DOCK1: variants seen among roughly 807,000 people sequenced by gnomAD.
DOCK1 encodes dedicator of cytokinesis 1.
Under a neutral mutation model 262.7 loss-of-function variants are expected in DOCK1, and 138 were observed. That is an observed-to-expected ratio of 0.53 (90% CI 0.46 to 0.61). The LOEUF (loss-of-function observed/expected upper bound fraction) is 0.61. Among genes scored for constraint, DOCK1 ranks in the 20% least tolerant of loss-of-function variants. The pLI is 0.00. For synonymous variants in DOCK1, 866 were observed against 867.4 expected (o/e 1.00, Z 0.03); for missense variants, 1,908 against 2,370.7 (o/e 0.80, Z 4.05).
intron 21 of DOCK1, among the ~76,000 whole-genome samples, chr10:127,044,937 C>T (rs1163157678): frequency 6.6e-6 from 1 of 152,120 alleles, no homozygotes; most frequent in Non-Finnish European, 1.5e-5. Flanking sequence ...TGGCTCACAC[C>T]TGTAATCCCA....
chr10:127,005,308 G>C (rs915163643), intron 10 of DOCK1, among the ~76,000 whole-genome samples: 3 of 151,850 alleles, frequency 2.0e-5, no homozygotes, highest in African/African-American at 7.3e-5. Context: ...CTTCAGCCTA[G>C]GCAACAGAGT....
rs549456199 is a variant in DOCK1 at position 127,265,483 on chromosome 10, T to C, written c.3044+8054T>C. ...GGAGGATTTTGATCTCTTGACCTCA[T>C]TTTGACAACCACCTTGGCTCATTTC... On this transcript the variant is annotated intron_variant, in intron 29 of 51. Transcript: ENST00000623213. Among the ~76,000 whole-genome samples the C allele has an allele frequency of 3.3e-5, 5 of 152,272 alleles. No homozygotes were observed. The South Asian group carries it at 1.0e-3, about 32-fold the overall frequency.
At position 127,012,235 on chromosome 10, in the gene DOCK1, C is replaced by T. The variant is rs370557016; in HGVS notation, c.1062C>T (p.Leu354=). ...TTGGTCGTCCCGTGCCCTCCAGGCT[C>T]GCGTTGGACGACGCCATTCGACACA... is the stretch of plus-strand genomic sequence containing the variant. ...DKQHFIPFQP[L]ALDDAIRHKP... is the part of the protein sequence containing the mutation. The change falls in exon 12 of 52, where the codon CTC becomes CTT. Residue 354 remains leucine (L), a synonymous_variant. Coordinates refer to ENST00000623213, the MANE Select transcript of DOCK1 (RefSeq NM_001290223.2). The surrounding 1 kb of genome is among the most constrained non-coding windows in gnomAD (Gnocchi z 4.0). The T allele has an allele frequency of 6.0e-5, 94 of 1,568,118 alleles. 2 individuals carry two copies. Among genetic ancestry groups the T allele is most frequent in the South Asian group, 5.6e-4 (50 of 90,052 alleles).
At chr10:127,224,853 G>A (rs1453864913) in intron 27 of DOCK1, among the ~76,000 whole-genome samples, 2 of 152,012 alleles carry the variant, frequency 1.3e-5, no homozygotes, top group Admixed American at 6.5e-5. Flanking sequence ...AGGCAAAAAG[G>A]AGTGCATGCA....
intron 1 of DOCK1, among the ~76,000 whole-genome samples, chr10:126,946,995 C>T (rs1330716585): frequency 1.3e-5 from 2 of 152,202 alleles, no homozygotes; most frequent in Admixed American, 6.5e-5. Context: ...TGATCCTGTC[C>T]CCCCATCCCT....
intron 22 of DOCK1, among the ~76,000 whole-genome samples, chr10:127,059,789 T>C (rs1453978388): frequency 6.6e-6 from 1 of 152,174 alleles, no homozygotes; most frequent in African/African-American, 2.4e-5. Flanking sequence ...GTGGGGCTGT[T>C]TCTGCTCTCT....
intron 29 of DOCK1, among the ~76,000 whole-genome samples, chr10:127,334,201 G>T (rs917942868): frequency 6.6e-6 from 1 of 152,106 alleles, no homozygotes; most frequent in East Asian, 1.9e-4. Flanking sequence ...ACAACGTTCC[G>T]AAGGTCAGGT....
intron 28 of DOCK1, among the ~76,000 whole-genome samples, chr10:127,250,791 CAAAAAAAAAAA>C (rs1180814401): frequency 1.9e-4 from 12 of 64,038 alleles, no homozygotes; most frequent in African/African-American, 7.0e-4. Flanking sequence ...GACTCCGTCT[CAAAAAAAAAAA>C]AAAAAAAAAA....
chr10:127,009,960 C>T (rs887682546), intron 11 of DOCK1, among the ~76,000 whole-genome samples: 4 of 152,032 alleles, frequency 2.6e-5, no homozygotes, highest in African/African-American at 9.7e-5. Context: ...CACATAGCAC[C>T]CTAAAGCTTT....
At chr10:127,220,962 AGG>A (rs1168535270) in intron 27 of DOCK1, among the ~76,000 whole-genome samples, 1 of 152,208 alleles carries the variant, frequency 6.6e-6, no homozygotes, top group African/African-American at 2.4e-5. Flanking sequence ...GGAAGGCAGT[AGG>A]TTTTATGGGG....
chr10:127,076,952 A>G (rs1424485209), intron 23 of DOCK1, among the ~76,000 whole-genome samples: 3 of 152,136 alleles, frequency 2.0e-5, no homozygotes, highest in Non-Finnish European at 4.4e-5. Context: ...GCCTTTGAGA[A>G]CAGAGGCAGG....
At chr10:126,944,458 A>T (rs1286519583) in intron 1 of DOCK1, among the ~76,000 whole-genome samples, 1 of 151,974 alleles carries the variant, frequency 6.6e-6, no homozygotes, top group Non-Finnish European at 1.5e-5. Flanking sequence ...CGCAGTTGGG[A>T]GTCAGCACGA....
At chr10:127,031,625 A>T in intron 16 of DOCK1, 25 bp from the exon 17 acceptor site, 1 of 1,561,346 alleles carries the variant, frequency 6.4e-7, no homozygotes, top group Non-Finnish European at 8.7e-7. Flanking sequence ...AGCAATCATC[A>T]ATTTTTTTGT....
intron 27 of DOCK1, among the ~76,000 whole-genome samples, chr10:127,133,297 G>T (rs1448071747): frequency 6.6e-6 from 1 of 152,166 alleles, no homozygotes; most frequent in African/African-American, 2.4e-5. Context: ...ATATCCCCAT[G>T]CATGAGCATT....
chr10:127,281,155 T>C (rs1374346021), intron 29 of DOCK1, among the ~76,000 whole-genome samples: 1 of 152,164 alleles, frequency 6.6e-6, no homozygotes, highest in Admixed American at 6.5e-5. Context: ...ACAGTTTTAT[T>C]TTTAAATTGA....
chr10:127,285,657 G>T (rs1433065393), intron 29 of DOCK1, among the ~76,000 whole-genome samples: 1 of 152,230 alleles, frequency 6.6e-6, no homozygotes, highest in African/African-American at 2.4e-5. Flanking sequence ...GCAGGGAGTG[G>T]TCATGTGGAA....
intron 29 of DOCK1, among the ~76,000 whole-genome samples, chr10:127,318,446 A>G (rs965714432): frequency 2.6e-5 from 4 of 152,148 alleles, no homozygotes; most frequent in Non-Finnish European, 4.4e-5. Context: ...GTGACATTGG[A>G]AGGACTTAAC....
intron 29 of DOCK1, among the ~76,000 whole-genome samples, chr10:127,274,031 G>A (rs888870817): frequency 3.3e-5 from 5 of 152,154 alleles, no homozygotes; most frequent in Non-Finnish European, 7.3e-5. Context: ...GATACGCTTG[G>A]GGGTAAACAT....
At chr10:127,436,094 C>A (rs1005575882) in intron 48 of DOCK1, among the ~76,000 whole-genome samples, 2 of 152,176 alleles carry the variant, frequency 1.3e-5, no homozygotes, top group Admixed American at 6.5e-5. Flanking sequence ...AAATATTTCT[C>A]ACCTAATGGA....
Sources: gnomAD v4.1 joint callset for allele counts (sites outside exome capture counted in the v4.1 genomes callset) on GRCh38, gnomAD v4.1.1 for gene constraint, Gnocchi (gnomAD v3.1) non-coding constraint, MANE v1.5 for transcripts, NCBI Gene and HGNC (gene_info 2026-07-23, HGNC 2026-07-21) for gene names.